Variants in EML5 observed in about 807,000 individuals in gnomAD.
The protein encoded by EML5 is EMAP like 5.
Under a neutral mutation model 250.0 loss-of-function variants are expected in EML5, and 120 were observed. The ratio of observed to expected loss-of-function variants is 0.48; its 90% CI spans 0.41 to 0.56. EML5 has a LOEUF of 0.56. Ranked by LOEUF, EML5 falls within the 20% of genes least tolerant of loss-of-function variation. The probability of loss-of-function intolerance (pLI) is 0.00; values close to 1 mark genes in which losing one functional copy is unlikely to be tolerated. For synonymous variants in EML5, 771 were observed against 806.5 expected (o/e 0.96, Z 0.75); for missense variants, 2,006 against 2,437.6 (o/e 0.82, Z 3.73).
chr14:88,717,692 T>A (rs1595648622), intron 8 of EML5, among the ~76,000 whole-genome samples: 2 of 151,526 alleles, frequency 1.3e-5, no homozygotes, highest in African/African-American at 2.4e-5. Flanking sequence ...GAGGCAGAGG[T>A]TGCAGTGAGC....
chr14:88,756,684 C>T (rs904128387), intron 1 of EML5, among the ~76,000 whole-genome samples: 1 of 152,022 alleles, frequency 6.6e-6, no homozygotes, highest in African/African-American at 2.4e-5. Context: ...TATTTCTATA[C>T]ACTAGCAACG....
At chr14:88,616,006 G>C in intron 43 of EML5, 136 bp downstream of exon 43, 1 of 1,269,810 alleles carries the variant, frequency 7.9e-7, no homozygotes, top group Non-Finnish European at 1.1e-6. Flanking sequence ...ATGAGATTCT[G>C]AAGAGCCATC....
chr14:88,640,441 C>G (rs1242400075), intron 31 of EML5, among the ~76,000 whole-genome samples: 1 of 152,018 alleles, frequency 6.6e-6, no homozygotes, highest in Non-Finnish European at 1.5e-5. Context: ...TAACTTGCTC[C>G]TGAATGACTT....
intron 1 of EML5, among the ~76,000 whole-genome samples, chr14:88,775,225 G>T (rs2094435533): frequency 6.6e-6 from 1 of 152,208 alleles, no homozygotes; most frequent in Non-Finnish European, 1.5e-5. Flanking sequence ...TTTTGCTTGA[G>T]AAAAGCGGAG....
intron 17 of EML5, among the ~76,000 whole-genome samples, chr14:88,691,231 A>G (rs1251679770): frequency 1.3e-5 from 2 of 152,312 alleles, no homozygotes; most frequent in Non-Finnish European, 2.9e-5. Context: ...AGCTCACTAC[A>G]GTTTCACTCC....
In EML5 at chr14:88,688,313, T is replaced by G. The variant is rs1012239051; in HGVS notation, c.2700A>C (p.Lys900Asn). 6.2e-7 allele frequency: 1 copy of G among 1,613,990 alleles called. No homozygotes were observed. The highest frequency in any genetic ancestry group is 1.7e-5 in the Admixed American group (1 of 60,010). ...WRDIFLVKTV[K>N]AHDGPVFSMH... ...TACTGAACACTGGCCCATCATGCGC[T>G]TTCACTGTTTTTACAAGAAAGATGT... The change falls in exon 18 of 44, where the codon AAA becomes AAC. Residue 900 changes from lysine (K) to asparagine (N), a missense_variant. Lys to Asn is a moderately conservative substitution (Grantham distance 94). Transcript: ENST00000554922.
intron 21 of EML5, among the ~76,000 whole-genome samples, chr14:88,677,642 A>T (rs185089655): frequency 1.3e-5 from 2 of 152,256 alleles, no homozygotes; most frequent in Non-Finnish European, 1.5e-5. Context: ...AAAGGACATA[A>T]GCAGACAATT....
chr14:88,713,616 C>A (rs954866879), intron 9 of EML5, among the ~76,000 whole-genome samples: 2 of 148,394 alleles, frequency 1.3e-5, no homozygotes, highest in African/African-American at 5.0e-5. Flanking sequence ...CCACAACCTG[C>A]TCATTTTTTT....
At chr14:88,629,681 G>A (rs1271205093) in intron 33 of EML5, among the ~76,000 whole-genome samples, 1 of 152,104 alleles carries the variant, frequency 6.6e-6, no homozygotes, top group African/African-American at 2.4e-5. Flanking sequence ...TGGGGACATC[G>A]CATATTTTCT....
At chr14:88,791,353 A>G (rs925909307) in intron 1 of EML5, among the ~76,000 whole-genome samples, 3 of 152,210 alleles carry the variant, frequency 2.0e-5, no homozygotes, top group African/African-American at 7.2e-5. Flanking sequence ...CAAGAGCACC[A>G]CACAAACACA....
intron 7 of EML5, among the ~76,000 whole-genome samples, chr14:88,733,861 T>C (rs555378573): frequency 1.3e-5 from 2 of 152,264 alleles, no homozygotes; most frequent in East Asian, 1.9e-4. Flanking sequence ...GAAGAATATA[T>C]TGAAAATTTT....
intron 1 of EML5, among the ~76,000 whole-genome samples, chr14:88,768,637 C>G (rs919581574): frequency 2.0e-5 from 3 of 152,148 alleles, no homozygotes; most frequent in Non-Finnish European, 2.9e-5. Context: ...GTCTCGAACT[C>G]CTGACCTCAG....
intron 7 of EML5, among the ~76,000 whole-genome samples, chr14:88,735,982 T>C (rs2140193485): frequency 6.7e-6 from 1 of 149,716 alleles, no homozygotes; most frequent in Non-Finnish European, 1.5e-5. Context: ...AATAAAGTTT[T>C]AATCGGAGTA....
chr14:88,627,361 CAAATCATTAATAATAA>C, intron 34 of EML5: 2 of 450,234 alleles, frequency 4.4e-6, no homozygotes, highest in Non-Finnish European at 7.8e-6. Flanking sequence ...CAAAACCAAT[CAAATCATTAATAATAA>C]ATACATAGTT....
intron 23 of EML5, among the ~76,000 whole-genome samples, chr14:88,663,339 A>G (rs992685958): frequency 1.3e-5 from 2 of 152,200 alleles, no homozygotes; most frequent in Non-Finnish European, 2.9e-5. Context: ...TATATACATA[A>G]AAATGATTTC....
intron 7 of EML5, among the ~76,000 whole-genome samples, chr14:88,734,298 T>C (rs2093806254): frequency 6.6e-6 from 1 of 152,140 alleles, no homozygotes; most frequent in Non-Finnish European, 1.5e-5. Flanking sequence ...TATAGAAATA[T>C]TACAGCTAAC....
In EML5 at chr14:88,620,456, A is replaced by G. The variant is rs771001547; in HGVS notation, c.5375+298T>C. 1 of 240,220 alleles carries G rather than the reference A, an allele frequency of 4.2e-6. No individual in the cohort carries two copies. Among genetic ancestry groups the G allele is most frequent in the African/African-American group, 2.2e-5 (1 of 44,838 alleles). The allele number at this position is 240,220 out of a possible 1,614,324, so 14.9% of individuals were successfully genotyped here. On this transcript the variant is annotated intron_variant, in intron 39 of 43. Transcript: ENST00000554922. The surrounding 1 kb of genome is among the most constrained non-coding windows in gnomAD (Gnocchi z 4.3). ...TTTGAAGGGCAGATAGCTCTCTTGTATTACAGTGGGAGATACCTCTTGGTG... is the reference window on the plus strand; with the variant it reads ...TTTGAAGGGCAGATAGCTCTCTTGTGTTACAGTGGGAGATACCTCTTGGTG...
rs756868455 is a variant in EML5 at position 88,706,399 on chromosome 14, T to C, written c.1685A>G (p.His562Arg). ...TCTGACATTAGTTACGTGAGCTGAA[T>C]GGCCAATATATTTTCTAAACTTGGC... ...KGAKFRKYIG[H>R]SAHVTNVRWS... is the part of the protein sequence containing the mutation. Residue 562 changes from histidine to arginine, a missense_variant, in exon 11 of 44, where the codon CAT (histidine) becomes CGT (arginine). This residue lies in a region of EML5 where 1,375 missense variants were observed against 1,590.3 expected (regional missense o/e 0.86). Transcript: ENST00000554922. The C allele has an allele frequency of 6.3e-7, 1 of 1,588,296 alleles. No homozygotes were observed. Among genetic ancestry groups the C allele is most frequent in the South Asian group, 1.2e-5 (1 of 84,680 alleles).
intron 21 of EML5, among the ~76,000 whole-genome samples, chr14:88,668,797 T>C (rs929891976): frequency 1.1e-4 from 16 of 152,048 alleles, no homozygotes; most frequent in African/African-American, 1.7e-4. Context: ...GCTGAGATCA[T>C]TGAAAAATTA....
Sources: gnomAD v4.1 joint callset for allele counts (sites outside exome capture counted in the v4.1 genomes callset) on GRCh38, gnomAD v4.1.1 for gene constraint, gnomAD v4.1.1 regional missense constraint, Gnocchi (gnomAD v3.1) non-coding constraint, MANE v1.5 for transcripts, NCBI Gene and HGNC (gene_info 2026-07-23, HGNC 2026-07-21) for gene names.